Variants in RFX2 observed in about 807,000 individuals in gnomAD.
RFX2 encodes the protein DNA-binding protein RFX2.
RFX2 carries 20 observed loss-of-function variants against 87.8 expected under a neutral mutation model. The observed-to-expected ratio is 0.23, with a 90% confidence interval of 0.16 to 0.33. RFX2 has a LOEUF of 0.33. Ranked by LOEUF, RFX2 falls within the 10% of genes least tolerant of loss-of-function variation. The pLI, the probability that RFX2 is intolerant of heterozygous loss-of-function variation, is 1.00. For missense variants in RFX2, 767 were observed against 1,012.3 expected, an observed-to-expected ratio of 0.76 and a Z score of 3.29; for synonymous variants, 397 against 431.3, an observed-to-expected ratio of 0.92 and a Z score of 0.98.
chr19:6,088,809 T>C (rs3795009), intron 1 of RFX2, among the ~76,000 whole-genome samples: 12,181 of 152,182 alleles, frequency 0.08, 520 homozygotes, highest in Middle Eastern at 0.11. Context: ...TTGTAAAATG[T>C]GGAATAGTAA....
rs2144731529 is a variant in RFX2 at position 6,024,953 on chromosome 19, GGACGGGAGTCAGGACGGGATCACGGTGAT to G, written c.597+1181_597+1209del. On this transcript the variant is annotated intron_variant, in intron 6 of 17. Transcript: ENST00000303657. The surrounding 1 kb of genome is among the most constrained non-coding windows in gnomAD (Gnocchi z 5.0). Reference sequence around the variant, plus strand: ...GGGAGTCAGGACGGGATCACGGTGAGGACGGGAGTCAGGACGGGATCACGGTGATGACTGGGGTCCACTGAAGGGGACTT... The same window carrying G: ...GGGAGTCAGGACGGGATCACGGTGAGGACTGGGGTCCACTGAAGGGGACTT... 6.6e-6 allele frequency among the ~76,000 whole-genome samples: 1 copy of G among 151,944 alleles called. No individual in the cohort carries two copies. Among genetic ancestry groups the G allele is most frequent in the South Asian group, 2.1e-4 (1 of 4,812 alleles).
chr19:6,071,416 T>C (rs1163606758), intron 1 of RFX2, among the ~76,000 whole-genome samples: 1 of 152,136 alleles, frequency 6.6e-6, no homozygotes, highest in Non-Finnish European at 1.5e-5. Flanking sequence ...GGCACAGACA[T>C]ATCTCAATTG....
In RFX2 at chr19:6,059,939, C is replaced by T. The variant is rs1004211844; in HGVS notation, c.-8-12435G>A. ...GACTCCTCCCACTAGACAAAAACAA[C>T]GATTCTTGTAGTAAAAAGTGATGGG... On this transcript the variant is annotated intron_variant, in intron 1 of 17. Coordinates refer to ENST00000303657, the MANE Select transcript of RFX2 (RefSeq NM_000635.4). Among the ~76,000 whole-genome samples, 15 of 151,354 alleles carry T rather than the reference C, an allele frequency of 9.9e-5. No homozygotes were observed. In the East Asian group the frequency reaches 1.3e-3, roughly 14 times the overall value.
In RFX2 at chr19:6,083,032, T is replaced by TGGGCTCAGGGAGTAC. The variant is rs2087807944; in HGVS notation, c.-9+27346_-9+27360dup. On this transcript the variant is annotated intron_variant, in intron 1 of 17. Transcript: ENST00000303657. This position sits in a 1 kb window ranked among gnomAD's most constrained non-coding sequence, Gnocchi z 4.6. ...CGGCTCGCTGCAGCCTCAACCTCCC[T>TGGGCTCAGGGAGTAC]GGGCTCAGGGAGTACGGGCACGTGC... 6.6e-6 allele frequency among the ~76,000 whole-genome samples: 1 copy of TGGGCTCAGGGAGTAC among 152,056 alleles called. No individual in the cohort carries two copies. Among genetic ancestry groups the TGGGCTCAGGGAGTAC allele is most frequent in the Non-Finnish European group, 1.5e-5 (1 of 68,010 alleles).
chr19:6,005,218 C>T (rs1476242020), intron 12 of RFX2, among the ~76,000 whole-genome samples: 2 of 152,222 alleles, frequency 1.3e-5, no homozygotes, highest in Admixed American at 6.5e-5. Context: ...TTCAGGCAGA[C>T]AGGCAAGGCC....
chr19:6,077,464 A>G (rs1157370841), intron 1 of RFX2, among the ~76,000 whole-genome samples: 1 of 152,172 alleles, frequency 6.6e-6, no homozygotes, highest in Non-Finnish European at 1.5e-5. Context: ...AATGGCCTCC[A>G]AGCATTTCTC....
chr19:6,049,649 C>T (rs1346446781), intron 1 of RFX2, among the ~76,000 whole-genome samples: 1 of 152,188 alleles, frequency 6.6e-6, no homozygotes, highest in Admixed American at 6.5e-5. Flanking sequence ...CCACCTCAGT[C>T]CCCTGAATAG....
At chr19:6,105,884 T>C (rs1348393544) in intron 1 of RFX2, among the ~76,000 whole-genome samples, 1 of 152,028 alleles carries the variant, frequency 6.6e-6, no homozygotes, top group Non-Finnish European at 1.5e-5. Context: ...GGGGGGACTA[T>C]GACAGGCTCA....
At chr19:6,030,357 T>C (rs1168664249) in intron 5 of RFX2, among the ~76,000 whole-genome samples, 1 of 152,158 alleles carries the variant, frequency 6.6e-6, no homozygotes, top group Admixed American at 6.5e-5. Context: ...TTAATCAAAG[T>C]GCCAGAAAGC....
chr19:6,080,046 T>G (rs1380297312), intron 1 of RFX2, among the ~76,000 whole-genome samples: 2 of 151,248 alleles, frequency 1.3e-5, no homozygotes, highest in African/African-American at 4.9e-5. Flanking sequence ...GCTCTGAGGA[T>G]TCTGTTTTTT....
intron 1 of RFX2, among the ~76,000 whole-genome samples, chr19:6,108,611 A>G (rs879762128): frequency 2.6e-5 from 4 of 152,192 alleles, no homozygotes; most frequent in Admixed American, 2.6e-4. Context: ...AAAAGAACTC[A>G]TCGAAGCCTG....
intron 1 of RFX2, among the ~76,000 whole-genome samples, chr19:6,067,347 A>T (rs10409043): frequency 2.0e-5 from 3 of 152,198 alleles, no homozygotes; most frequent in African/African-American, 7.2e-5. Context: ...GGAACCACTG[A>T]CTCAGCGTCA....
At chr19:6,107,168 C>T (rs1298364750) in intron 1 of RFX2, among the ~76,000 whole-genome samples, 3 of 151,962 alleles carry the variant, frequency 2.0e-5, no homozygotes, top group Non-Finnish European at 2.9e-5. Flanking sequence ...TGGTGGCAGG[C>T]GCCTGTAGTC....
In RFX2 at chr19:6,044,920, A is replaced by C. The variant is rs983364331; in HGVS notation, c.91-638T>G. Among the ~76,000 whole-genome samples the C allele has an allele frequency of 6.6e-6, 1 of 152,192 alleles. No homozygotes were observed. Among genetic ancestry groups the C allele is most frequent in the African/African-American group, 2.4e-5 (1 of 41,442 alleles). On this transcript the variant is annotated intron_variant, in intron 2 of 17. Transcript: ENST00000303657. The surrounding 1 kb of genome is among the most constrained non-coding windows in gnomAD (Gnocchi z 5.3). ...CCAGCCTCCTAAGTCAAATCTGCAC[A>C]GTGTGGCTTTGCTATTTTTCTGGGA...
At chr19:6,078,872 T>C (rs1272196022) in intron 1 of RFX2, among the ~76,000 whole-genome samples, 1 of 152,154 alleles carries the variant, frequency 6.6e-6, no homozygotes, top group Non-Finnish European at 1.5e-5. Context: ...ACCTCCCGGG[T>C]TCAAACTATT....
At chr19:6,087,435 G>A (rs993204273) in intron 1 of RFX2, among the ~76,000 whole-genome samples, 35 of 152,206 alleles carry the variant, frequency 2.3e-4, no homozygotes, top group Non-Finnish European at 3.7e-4. Flanking sequence ...GGAAGCCCAG[G>A]AGGGAGATGC....
intron 1 of RFX2, among the ~76,000 whole-genome samples, chr19:6,106,436 A>G (rs1261662051): frequency 1.3e-5 from 2 of 152,276 alleles, no homozygotes; most frequent in Non-Finnish European, 2.9e-5. Flanking sequence ...GAAATCCAGG[A>G]AACTCTGAAA....
chr19:6,082,777 G>A (rs1183430369), intron 1 of RFX2, among the ~76,000 whole-genome samples: 1 of 152,146 alleles, frequency 6.6e-6, no homozygotes, highest in Admixed American at 6.5e-5. Flanking sequence ...GCAGGTCTCT[G>A]TTGAGACTAC....
At chr19:6,059,785 A>C (rs1466930613) in intron 1 of RFX2, among the ~76,000 whole-genome samples, 1 of 152,178 alleles carries the variant, frequency 6.6e-6, no homozygotes, top group East Asian at 1.9e-4. Flanking sequence ...ACAAAAGTAC[A>C]CATGCAGACA....
Sources: gnomAD v4.1 joint callset for allele counts (sites outside exome capture counted in the v4.1 genomes callset) on GRCh38, gnomAD v4.1.1 for gene constraint, Gnocchi (gnomAD v3.1) non-coding constraint, MANE v1.5 for transcripts, NCBI Gene and HGNC (gene_info 2026-07-23, HGNC 2026-07-21) for gene names.